SEMA3D: variants seen among roughly 807,000 people sequenced by gnomAD.
SEMA3D encodes semaphorin-3D.
In SEMA3D, 84 loss-of-function variants were observed where a neutral mutation model predicts 100.1. The observed-to-expected ratio is 0.84, with a 90% CI of 0.70 to 1.01. SEMA3D has a LOEUF of 1.01. Ranked by LOEUF, SEMA3D falls within the 50% of genes least tolerant of loss-of-function variation. The pLI is 0.00. For missense variants in SEMA3D, 875 were observed against 934.1 expected (o/e 0.94, Z 0.82); for synonymous variants, 312 against 320.7 (o/e 0.97, Z 0.29).
intron 4 of SEMA3D, among the ~76,000 whole-genome samples, chr7:85,083,795 C>T (rs62473402): frequency 3.3e-4 from 40 of 123,004 alleles, no homozygotes; most frequent in Admixed American, 1.6e-3. Context: ...TGCAGTGAGC[C>T]GAGATCGCGC....
intron 2 of SEMA3D, chr7:85,141,962 A>G: frequency 1.0e-6 from 1 of 982,850 alleles, no homozygotes; most frequent in Non-Finnish European, 1.2e-6. Flanking sequence ...GAGAATAGGA[A>G]AAAGAGTTAA....
chr7:85,106,934 G>A (rs529097720), intron 3 of SEMA3D, among the ~76,000 whole-genome samples: 45 of 152,164 alleles, frequency 3.0e-4, no homozygotes, highest in African/African-American at 8.4e-4. Context: ...TCCCTCACAG[G>A]ACACGTGGGG....
intron 1 of SEMA3D, chr7:85,167,438 A>T: frequency 1.0e-6 from 1 of 954,056 alleles, no homozygotes; most frequent in Non-Finnish European, 1.2e-6. Flanking sequence ...GATATAATTT[A>T]CTGTGAAGCT....
intron 12 of SEMA3D, among the ~76,000 whole-genome samples, chr7:85,030,008 A>G (rs1052745694): frequency 6.6e-6 from 1 of 152,030 alleles, no homozygotes; most frequent in African/African-American, 2.4e-5. Context: ...TGAGCTGAAA[A>G]TGAGCATTTA....
chr7:85,005,317 C>A (rs1789764799), intron 18 of SEMA3D, among the ~76,000 whole-genome samples: 1 of 151,974 alleles, frequency 6.6e-6, no homozygotes, highest in African/African-American at 2.4e-5. Context: ...ATAATCATTT[C>A]TGTATCAAAT....
chr7:85,018,175 AT>A (rs552333084), intron 15 of SEMA3D, 76 bp downstream of exon 15: 185 of 890,934 alleles, frequency 2.1e-4, no homozygotes, highest in Non-Finnish European at 6.5e-5. Context: ...ATTTCAATGG[AT>A]TTTTTTTCAA....
intron 9 of SEMA3D, chr7:85,050,468 A>AT (rs1384575073): frequency 3.6e-6 from 1 of 276,040 alleles, no homozygotes; most frequent in Non-Finnish European, 6.8e-6. Flanking sequence ...ACTACTAAAA[A>AT]TAATTCATTA....
the SEMA3D span, among the ~76,000 whole-genome samples, chr7:85,215,492 C>T: frequency 6.6e-6 from 1 of 152,072 alleles, no homozygotes; most frequent in Non-Finnish European, 1.5e-5. Flanking sequence ...CTCCCCAAAA[C>T]AAGATCTGGG....
At chr7:85,042,544 T>TA (rs772015668) in intron 9 of SEMA3D, among the ~76,000 whole-genome samples, 6 of 149,942 alleles carry the variant, frequency 4.0e-5, no homozygotes, top group Non-Finnish European at 7.4e-5. Flanking sequence ...AAGGCAATGG[T>TA]AAAGGCAGCT....
chr7:85,176,077 G>A (rs537626836), intron 1 of SEMA3D, among the ~76,000 whole-genome samples: 6,996 of 151,914 alleles, frequency 0.046, 247 homozygotes, highest in Non-Finnish European at 0.065. Flanking sequence ...TTAAAAAAAA[G>A]AGGTAGACAA....
chr7:85,034,982 CAATTGA>C (rs1790652327), intron 12 of SEMA3D, among the ~76,000 whole-genome samples: 1 of 151,934 alleles, frequency 6.6e-6, no homozygotes, highest in Non-Finnish European at 1.5e-5. Context: ...TTATCTAAAA[CAATTGA>C]AATTAAGATA....
chr7:85,147,548 C>T (rs1171763805), intron 2 of SEMA3D, among the ~76,000 whole-genome samples: 1 of 151,962 alleles, frequency 6.6e-6, no homozygotes, highest in Non-Finnish European at 1.5e-5. Context: ...AATTTAATAC[C>T]AGTAATGCAA....
At chr7:85,023,894 C>T (rs1790321353) in intron 12 of SEMA3D, among the ~76,000 whole-genome samples, 1 of 151,812 alleles carries the variant, frequency 6.6e-6, no homozygotes, top group Non-Finnish European at 1.5e-5. Flanking sequence ...TTATCTTTAA[C>T]AAAAATTTTC....
At chr7:85,077,434 G>A (rs1398348946) in intron 5 of SEMA3D, among the ~76,000 whole-genome samples, 4 of 151,510 alleles carry the variant, frequency 2.6e-5, no homozygotes, top group African/African-American at 9.7e-5. Context: ...CTACCTATAC[G>A]TGTGTGTGTA....
At chr7:85,022,362 G>C (rs1790277686) in intron 13 of SEMA3D, 29 bp downstream of exon 13, 1 of 1,517,180 alleles carries the variant, frequency 6.6e-7, no homozygotes, top group South Asian at 1.1e-5. Context: ...AATTCCTTTT[G>C]AAAAAATCCT....
the SEMA3D span, among the ~76,000 whole-genome samples, chr7:85,209,983 T>C: frequency 1.3e-5 from 2 of 152,076 alleles, no homozygotes. Context: ...CTCCTGGGAC[T>C]ACCACAGAAA....
At chr7:85,108,263 A>G (rs1788990184) in intron 3 of SEMA3D, among the ~76,000 whole-genome samples, 1 of 151,964 alleles carries the variant, frequency 6.6e-6, no homozygotes, top group Admixed American at 6.6e-5. Context: ...TAAAGCTTTA[A>G]CTCACAGTAT....
chr7:85,024,445 T>C (rs1790338048), intron 12 of SEMA3D, among the ~76,000 whole-genome samples: 1 of 151,970 alleles, frequency 6.6e-6, no homozygotes, highest in African/African-American at 2.4e-5. Flanking sequence ...TGATATCAAA[T>C]TGTTAAATAA....
At chr7:85,231,577 A>G in the SEMA3D span, among the ~76,000 whole-genome samples, 1 of 148,954 alleles carries the variant, frequency 6.7e-6, no homozygotes, top group Non-Finnish European at 1.5e-5. Context: ...CAGCCTCCCC[A>G]GTGGCTGGGA....
Sources: gnomAD v4.1 joint callset for allele counts (sites outside exome capture counted in the v4.1 genomes callset) on GRCh38, gnomAD v4.1.1 for gene constraint, MANE v1.5 for transcripts, NCBI Gene and HGNC (gene_info 2026-07-23, HGNC 2026-07-21) for gene names.